ADORA2B: variants seen among roughly 807,000 people sequenced by gnomAD.
The protein encoded by ADORA2B is adenosine receptor A2b.
ADORA2B carries 18 observed loss-of-function variants against 20.8 expected under a neutral mutation model. The ratio of observed to expected loss-of-function variants is 0.87; its 90% CI spans 0.60 to 1.29. ADORA2B has a LOEUF of 1.29. Ranked by LOEUF, ADORA2B falls within the 50% of genes most tolerant of loss-of-function variation. ADORA2B has a pLI of 0.00. For missense variants in ADORA2B, 441 were observed against 422.7 expected (o/e 1.04, Z -0.38); for synonymous variants, 179 against 178.3 (o/e 1.00, Z -0.03).
chr17:15,875,507 A>T, the ADORA2B span, among the ~76,000 whole-genome samples: 1 of 152,234 alleles, frequency 6.6e-6, no homozygotes, highest in Non-Finnish European at 1.5e-5. Flanking sequence ...GTAGTAGTAT[A>T]CACTGCTGCT....
chr17:15,886,288 T>C, the ADORA2B span, among the ~76,000 whole-genome samples: 1 of 126,268 alleles, frequency 7.9e-6, no homozygotes, highest in Non-Finnish European at 1.6e-5. Context: ...CTGCCTCCCG[T>C]ACACCCCAAC....
At chr17:15,922,511 A>G in the ADORA2B span, among the ~76,000 whole-genome samples, 24 of 152,300 alleles carry the variant, frequency 1.6e-4, no homozygotes, top group African/African-American at 5.8e-4. Flanking sequence ...CCAGATTGGG[A>G]CATTTTCAAG....
chr17:15,945,831 G>A (rs1402602931), intron 1 of ADORA2B, among the ~76,000 whole-genome samples: 1 of 152,186 alleles, frequency 6.6e-6, no homozygotes, highest in Non-Finnish European at 1.5e-5. Flanking sequence ...AGGGGGTCCG[G>A]GGAGTGCGGT....
the ADORA2B span, among the ~76,000 whole-genome samples, chr17:15,872,500 A>G: frequency 2.0e-5 from 3 of 152,318 alleles, no homozygotes; most frequent in African/African-American, 7.2e-5. Flanking sequence ...TGCTTTGGGC[A>G]GTATGATCAT....
chr17:15,909,359 T>A, the ADORA2B span, among the ~76,000 whole-genome samples: 1 of 152,220 alleles, frequency 6.6e-6, no homozygotes, highest in Non-Finnish European at 1.5e-5. Context: ...ATGAGAATTC[T>A]AGGTAACAAT....
At chr17:15,911,387 A>G in the ADORA2B span, among the ~76,000 whole-genome samples, 1 of 152,180 alleles carries the variant, frequency 6.6e-6, no homozygotes, top group South Asian at 2.1e-4. Flanking sequence ...CCAGGGGTTT[A>G]TGTGGGGAGG....
the ADORA2B span, among the ~76,000 whole-genome samples, chr17:15,930,254 A>G: frequency 6.8e-6 from 1 of 146,552 alleles, no homozygotes; most frequent in East Asian, 2.0e-4. Context: ...GTTTATTTGA[A>G]TGTGAGACAC....
upstream of ADORA2B, among the ~76,000 whole-genome samples, chr17:15,941,241 A>G: frequency 6.6e-6 from 1 of 152,216 alleles, no homozygotes; most frequent in Non-Finnish European, 1.5e-5. Flanking sequence ...AGGTAGTCAG[A>G]TGGCAGATGG....
At chr17:15,900,996 C>A in the ADORA2B span, among the ~76,000 whole-genome samples, 1 of 152,076 alleles carries the variant, frequency 6.6e-6, no homozygotes, top group Non-Finnish European at 1.5e-5. Context: ...ATGTCTGTAC[C>A]GGGCCGTTTA....
chr17:15,934,400 AT>A, the ADORA2B span, among the ~76,000 whole-genome samples: 1 of 151,904 alleles, frequency 6.6e-6, no homozygotes, highest in Non-Finnish European at 1.5e-5. Flanking sequence ...TAATTTTTGT[AT>A]TTTTAGTAGA....
intron 1 of ADORA2B, among the ~76,000 whole-genome samples, chr17:15,965,505 C>T (rs757309108): frequency 1.3e-5 from 2 of 152,228 alleles, no homozygotes; most frequent in Non-Finnish European, 2.9e-5. Flanking sequence ...AGCTGCTCTG[C>T]TTCCATGTGA....
chr17:15,955,231 G>A (rs1032357657), intron 1 of ADORA2B, among the ~76,000 whole-genome samples: 65 of 150,312 alleles, frequency 4.3e-4, no homozygotes, highest in Middle Eastern at 3.4e-3. Context: ...AACTTTTCCT[G>A]TAGTGGGGCT....
the ADORA2B span, among the ~76,000 whole-genome samples, chr17:15,910,640 C>G: frequency 6.6e-6 from 1 of 152,112 alleles, no homozygotes; most frequent in African/African-American, 2.4e-5. Context: ...TTGCGATTTC[C>G]TTTAGCACAT....
the ADORA2B span, among the ~76,000 whole-genome samples, chr17:15,872,144 G>T: frequency 6.6e-6 from 1 of 152,138 alleles, no homozygotes; most frequent in Non-Finnish European, 1.5e-5. Flanking sequence ...AGAGTGGGGT[G>T]GCTGCTTAGT....
chr17:15,901,471 GA>G, the ADORA2B span, among the ~76,000 whole-genome samples: 1,208 of 123,900 alleles, frequency 9.7e-3, 16 homozygotes, highest in African/African-American at 0.029. Flanking sequence ...TCTCAAAAGA[GA>G]AAAAAAAAAA....
chr17:15,959,233 A>C (rs1436146435), intron 1 of ADORA2B, among the ~76,000 whole-genome samples: 1 of 152,138 alleles, frequency 6.6e-6, no homozygotes, highest in African/African-American at 2.4e-5. Context: ...TCATTTAGCA[A>C]CCTAGTCTTT....
intron 1 of ADORA2B, among the ~76,000 whole-genome samples, chr17:15,948,617 G>C (rs1333941442): frequency 1.3e-5 from 2 of 152,172 alleles, no homozygotes; most frequent in Admixed American, 1.3e-4. Context: ...TGTAGACCCA[G>C]TTTCCCTGGC....
the ADORA2B span, among the ~76,000 whole-genome samples, chr17:15,879,088 A>G: frequency 6.6e-6 from 1 of 152,200 alleles, no homozygotes; most frequent in Non-Finnish European, 1.5e-5. Flanking sequence ...TTGTGTTAAT[A>G]AGGCCTGATT....
At chr17:15,947,093 C>T (rs551410416) in intron 1 of ADORA2B, among the ~76,000 whole-genome samples, 1 of 152,250 alleles carries the variant, frequency 6.6e-6, no homozygotes, top group African/African-American at 2.4e-5. Context: ...TGTGCTGCTG[C>T]CCGTGCTGTT....
Sources: allele counts gnomAD v4.1 joint callset (sites outside exome capture counted in the v4.1 genomes callset), GRCh38; gene constraint gnomAD v4.1.1; transcripts MANE v1.5; gene names NCBI Gene and HGNC (gene_info 2026-07-23, HGNC 2026-07-21).